Variants in PMP22 observed in about 807,000 individuals in gnomAD.
PMP22 encodes the protein peripheral myelin protein 22.
In PMP22, 2 loss-of-function variants were observed where a neutral mutation model predicts 18.9. That is an observed-to-expected ratio of 0.11 (90% CI 0.04 to 0.33). The LOEUF is 0.33. Ranked by LOEUF, PMP22 falls within the 10% of genes least tolerant of loss-of-function variation. The probability of loss-of-function intolerance (pLI) is 1.00; values close to 1 mark genes in which losing one functional copy is unlikely to be tolerated. For synonymous variants in PMP22, 95 were observed against 89.2 expected (o/e 1.07, Z -0.37); for missense variants, 169 against 202.2 (o/e 0.84, Z 1.00).
chr17:15,238,777 C>A lies in PMP22; in HGVS notation c.319+694G>T, dbSNP rs527265375. ...AGTTTCTAGGACTCTGCACACTATG[C>A]ATATTAATAACGTATTTAAAGAGGG... On this transcript the variant is annotated intron_variant, in intron 4 of 4. Coordinates refer to ENST00000312280, the MANE Select transcript of PMP22 (RefSeq NM_000304.4). 2.4e-4 allele frequency among the ~76,000 whole-genome samples: 37 copies of A among 152,310 alleles called. 1 individual carries two copies. The South Asian group carries it at 7.3e-3, about 30-fold the overall frequency.
chr17:15,250,411 G>A (rs1364854531), intron 3 of PMP22, among the ~76,000 whole-genome samples: 1 of 152,028 alleles, frequency 6.6e-6, no homozygotes, highest in Non-Finnish European at 1.5e-5. Flanking sequence ...CCACAACATT[G>A]AATACCCTTC....
chr17:15,264,402 T>C (rs1166749412), intron 1 of PMP22, among the ~76,000 whole-genome samples: 1 of 152,248 alleles, frequency 6.6e-6, no homozygotes, highest in Non-Finnish European at 1.5e-5. Flanking sequence ...TTATGCCATT[T>C]GGACATTTAT....
intron 4 of PMP22, among the ~76,000 whole-genome samples, chr17:15,238,097 T>A (rs1023237227): frequency 3.3e-5 from 5 of 152,144 alleles, no homozygotes; most frequent in African/African-American, 1.2e-4. Flanking sequence ...CTAGAAATGA[T>A]ATCTCCTTGC....
At chr17:15,245,971 C>G (rs921618696) in intron 3 of PMP22, among the ~76,000 whole-genome samples, 1 of 151,464 alleles carries the variant, frequency 6.6e-6, no homozygotes, top group African/African-American at 2.4e-5. Flanking sequence ...CGAGATCGCG[C>G]CACTGCGCCA....
intron 3 of PMP22, among the ~76,000 whole-genome samples, chr17:15,239,827 A>T (rs978727887): frequency 2.0e-5 from 3 of 152,236 alleles, no homozygotes; most frequent in Non-Finnish European, 2.9e-5. Context: ...AAATATATAC[A>T]TATATACATA....
Position 15,239,719 on chromosome 17 carries a change from C to A in PMP22, c.179-108G>T. On this transcript the variant is annotated intron_variant, in intron 3 of 4. Coordinates refer to ENST00000312280, the MANE Select transcript of PMP22 (RefSeq NM_000304.4). ...ATGACTGCTGACAGCACAGTCCTCA[C>A]AGGCAGCAGAAGCAGAAGTCCTTTT... The A allele has an allele frequency of 2.8e-6, 3 of 1,053,588 alleles. No homozygotes were observed. The South Asian group carries it at 3.9e-5, about 14-fold the overall frequency. The allele number at this position is 1,053,588 out of a possible 1,614,324, so 65.3% of individuals were successfully genotyped here. A position where few individuals can be genotyped will look rare whatever the true frequency, so the allele number is the denominator to read the frequency against.
intron 3 of PMP22, among the ~76,000 whole-genome samples, chr17:15,245,620 T>G (rs60785709): frequency 0.052 from 7,891 of 152,210 alleles, 668 homozygotes; most frequent in African/African-American, 0.18. Flanking sequence ...AAAAGGCTGA[T>G]GTGAGAAAAC....
In PMP22 at chr17:15,255,584, G is replaced by GA. The variant is rs146894625; in HGVS notation, c.178+3509dup. ...ACTTCCAGACTTCTTTGAAAAGAGA[G>GA]AAAAATAAATGATCTTACTTAAGCC... On this transcript the variant is annotated intron_variant, in intron 3 of 4. Transcript: ENST00000312280. Among the ~76,000 whole-genome samples, 67 of 152,264 alleles carry GA rather than the reference G, an allele frequency of 4.4e-4. No homozygotes were observed. In the East Asian group the frequency reaches 0.013, roughly 29 times the overall value.
At chr17:15,238,659 C>CAAGATGTAAGATGT (rs145962398) in intron 4 of PMP22, among the ~76,000 whole-genome samples, 1 of 152,118 alleles carries the variant, frequency 6.6e-6, no homozygotes, top group African/African-American at 2.4e-5. Context: ...AGGCAGAATG[C>CAAGATGTAAGATGT]AAGATGTAAG....
chr17:15,242,641 C>T (rs1907448791), intron 3 of PMP22, among the ~76,000 whole-genome samples: 1 of 152,012 alleles, frequency 6.6e-6, no homozygotes, highest in South Asian at 2.1e-4. Flanking sequence ...TAGCTTCCTT[C>T]CTCAAAATAG....
At chr17:15,264,543 A>C (rs977398525) in intron 1 of PMP22, among the ~76,000 whole-genome samples, 17 of 152,234 alleles carry the variant, frequency 1.1e-4, no homozygotes, top group Admixed American at 1.3e-4. Flanking sequence ...ACTTTTTAAT[A>C]AAGTCTAATA....
chr17:15,261,586 C>G lies in PMP22; in HGVS notation c.-34-825G>C, dbSNP rs1230626469. On this transcript the variant is annotated intron_variant, in intron 1 of 4. Coordinates refer to ENST00000312280, the MANE Select transcript of PMP22 (RefSeq NM_000304.4). This position sits in a 1 kb window ranked among gnomAD's most constrained non-coding sequence, Gnocchi z 5.2. ...GGGTCCAGTCTGCACCCCAGGCACT[C>G]AAAGCCAGGACACGAACCCCAACAA... The G allele has an allele frequency of 6.6e-6, 1 of 152,368 alleles. No homozygotes were observed. The highest frequency in any genetic ancestry group is 1.5e-5 in the Non-Finnish European group (1 of 68,200). The allele number at this position is 152,368 out of a possible 1,614,324, so 9.4% of individuals were successfully genotyped here.
At chr17:15,254,356 C>T (rs1478207745) in intron 3 of PMP22, among the ~76,000 whole-genome samples, 4 of 152,148 alleles carry the variant, frequency 2.6e-5, no homozygotes, top group African/African-American at 7.2e-5. Flanking sequence ...GAGGAAGCAG[C>T]GTGACCACAG....
intron 3 of PMP22, among the ~76,000 whole-genome samples, chr17:15,253,599 C>T (rs1908553440): frequency 6.6e-6 from 1 of 152,106 alleles, no homozygotes; most frequent in African/African-American, 2.4e-5. Flanking sequence ...GTGCACCCAA[C>T]TCCTTCCTAG....
At position 15,230,785 on chromosome 17, in the gene PMP22, T is replaced by G. The variant is rs781273381; in HGVS notation, c.*132A>C. The G allele has an allele frequency of 1.1e-6, 1 of 895,812 alleles. No homozygotes were observed. The highest frequency in any genetic ancestry group is 2.4e-5 in the East Asian group (1 of 41,232). The allele number at this position is 895,812 out of a possible 1,614,324, so 55.5% of individuals were successfully genotyped here. A position where few individuals can be genotyped will look rare whatever the true frequency, so the allele number is the denominator to read the frequency against. ...TCTTCAATCAACAGCAACCCCCACC[T>G]CCACTGCTTTCTGTTTGGTTTGGTT... On this transcript the variant is annotated 3_prime_UTR_variant, in exon 5 of 5. Coordinates refer to ENST00000312280, the MANE Select transcript of PMP22 (RefSeq NM_000304.4).
chr17:15,230,701 T>C lies in PMP22; in HGVS notation c.*216A>G. The C allele has an allele frequency of 1.7e-6, 1 of 583,522 alleles. No homozygotes were observed. The allele number at this position is 583,522 out of a possible 1,614,324, so 36.1% of individuals were successfully genotyped here. A position where few individuals can be genotyped will look rare whatever the true frequency, so the allele number is the denominator to read the frequency against. On this transcript the variant is annotated 3_prime_UTR_variant, in exon 5 of 5. Transcript: ENST00000312280. ...TCAACATAAAAAGCAAACAATACTA[T>C]GTACATATATGTAAAAAGTGTTATA...
intron 4 of PMP22, among the ~76,000 whole-genome samples, chr17:15,236,200 C>T (rs1906795335): frequency 6.6e-6 from 1 of 152,132 alleles, no homozygotes; most frequent in Admixed American, 6.5e-5. Context: ...GAGATAGTTC[C>T]TAACTGTCAG....
chr17:15,240,397 C>T (rs1477793192), intron 3 of PMP22, among the ~76,000 whole-genome samples: 1 of 144,746 alleles, frequency 6.9e-6, no homozygotes, highest in Non-Finnish European at 1.5e-5. Context: ...TTTGCTTGGA[C>T]AACCCGTATT....
At chr17:15,263,536 A>T (rs1004295844) in intron 1 of PMP22, among the ~76,000 whole-genome samples, 4 of 151,736 alleles carry the variant, frequency 2.6e-5, no homozygotes, top group African/African-American at 9.7e-5. Flanking sequence ...AGGAATGTGG[A>T]TGTTAAAGGT....
Sources: gnomAD v4.1 joint callset for allele counts (sites outside exome capture counted in the v4.1 genomes callset) on GRCh38, gnomAD v4.1.1 for gene constraint, Gnocchi (gnomAD v3.1) non-coding constraint, MANE v1.5 for transcripts, NCBI Gene and HGNC (gene_info 2026-07-23, HGNC 2026-07-21) for gene names.